Variants in RNF17 observed in about 807,000 individuals in gnomAD.
RNF17 encodes the protein spermatogenesis associated 23.
A neutral mutation model predicts 200.5 loss-of-function variants in RNF17; 31 were observed. That is an observed-to-expected ratio of 0.15 (90% CI 0.12 to 0.21). RNF17 has a LOEUF of 0.21. Ranked by LOEUF, RNF17 falls within the 10% of genes least tolerant of loss-of-function variation. The pLI, the probability that RNF17 is intolerant of heterozygous loss-of-function variation, is 1.00. For synonymous variants in RNF17, 606 were observed against 637.8 expected, an observed-to-expected ratio of 0.95 and a Z score of 0.75; for missense variants, 1,628 against 1,905.1, an observed-to-expected ratio of 0.85 and a Z score of 2.71.
intron 6 of RNF17, among the ~76,000 whole-genome samples, chr13:24,787,083 G>A (rs531985318): frequency 5.3e-5 from 8 of 151,890 alleles, no homozygotes; most frequent in African/African-American, 1.4e-4. Context: ...CCTTCTGCCT[G>A]TCCAAATCTG....
rs114099220 is a variant in RNF17, at chr13:24,866,202, A to G, written c.4160A>G (p.Glu1387Gly). 437 of 1,535,520 alleles carry G rather than the reference A, an allele frequency of 2.8e-4. 1 individual carries two copies. In the African/African-American group the frequency reaches 5.5e-3, roughly 19 times the overall value. ...GAGGAACAATGGGAAATAAGGTTTGAGGTAAGTAACAATCCAAGTATTTTG... is the reference window on the plus strand; with the variant it reads ...GAGGAACAATGGGAAATAAGGTTTGGGGTAAGTAACAATCCAAGTATTTTG... ...YEEEQWEIRF[E>G]ELLSAETDTP... The change falls in exon 30 of 36, where the codon GAG (glutamate) becomes GGG (glycine). Residue 1387 changes from glutamate (E) to glycine (G), a missense_variant and splice_region_variant. Glu to Gly is a moderately conservative substitution (Grantham distance 98, BLOSUM62 -2). Transcript: ENST00000255324.
intron 6 of RNF17, among the ~76,000 whole-genome samples, chr13:24,787,669 G>A (rs1236488967): frequency 6.6e-6 from 1 of 152,048 alleles, no homozygotes; most frequent in African/African-American, 2.4e-5. Flanking sequence ...TCTCCTCCAG[G>A]CCTTAGATGG....
At chr13:24,830,111 A>G (rs1289519599) in intron 16 of RNF17, among the ~76,000 whole-genome samples, 2 of 152,170 alleles carry the variant, frequency 1.3e-5, no homozygotes, top group Admixed American at 1.3e-4. Flanking sequence ...TCAGGGTAAT[A>G]TCTTAGAGAT....
chr13:24,817,116 A>C lies in RNF17; in HGVS notation c.2092-8503A>C, dbSNP rs569317369. Among the ~76,000 whole-genome samples the C allele has an allele frequency of 7.9e-5, 12 of 152,334 alleles. No homozygotes were observed. In the East Asian group the frequency reaches 2.3e-3, roughly 29 times the overall value. On this transcript the variant is annotated intron_variant, in intron 15 of 35. Transcript: ENST00000255324. ...AGTGTCTTCATATAGCTTTGTTATC[A>C]GGGTAATGCAGCCTCTTAGAGTTAG...
At chr13:24,833,460 C>G (rs1889646810) in intron 18 of RNF17, among the ~76,000 whole-genome samples, 1 of 152,322 alleles carries the variant, frequency 6.6e-6, no homozygotes, top group Middle Eastern at 3.4e-3. Flanking sequence ...GGTCCTTGAA[C>G]AGTCTCCACT....
At chr13:24,885,823 T>A in the RNF17 span, 6 of 651,770 alleles carry the variant, frequency 9.2e-6, no homozygotes, top group Non-Finnish European at 1.4e-5. Flanking sequence ...TAATTTGTAG[T>A]TCTCCGACAC....
intron 31 of RNF17, 58 bp from the exon 32 acceptor site, chr13:24,870,513 T>TG (rs1555290865): frequency 1.3e-6 from 2 of 1,496,494 alleles, no homozygotes; most frequent in African/African-American, 2.8e-5. Flanking sequence ...TTTGTCCACA[T>TG]ACGTGAATTC....
At chr13:24,852,669 C>T (rs1023243599) in intron 24 of RNF17, among the ~76,000 whole-genome samples, 5 of 152,072 alleles carry the variant, frequency 3.3e-5, no homozygotes, top group African/African-American at 9.7e-5. Flanking sequence ...CTGGATTGCC[C>T]GGGCTTTGGC....
the RNF17 span, chr13:24,886,407 A>G: frequency 7.9e-7 from 1 of 1,265,960 alleles, no homozygotes; most frequent in Non-Finnish European, 1.0e-6. Context: ...GAATGGTTCC[A>G]TTACACCATG....
chr13:24,844,923 G>T, intron 21 of RNF17, 38 bp from the exon 22 acceptor site: 1 of 1,556,286 alleles, frequency 6.4e-7, no homozygotes, highest in Non-Finnish European at 8.8e-7. Flanking sequence ...ATTTCGAAAT[G>T]TTGTTTGTCT....
At chr13:24,826,033 C>A in intron 16 of RNF17, 1 of 984,154 alleles carries the variant, frequency 1.0e-6, no homozygotes, top group Non-Finnish European at 1.2e-6. Flanking sequence ...ATTAATTATT[C>A]AAAAACCGGT....
chr13:24,768,682 G>A (rs1301462623), intron 2 of RNF17, among the ~76,000 whole-genome samples: 2 of 151,856 alleles, frequency 1.3e-5, no homozygotes, highest in African/African-American at 4.8e-5. Context: ...GGAGGCATGA[G>A]ATCTAGAATG....
Position 24,800,417 on chromosome 13 carries a change from A to G in RNF17, c.1641A>G (p.Ala547=), listed in dbSNP as rs557693659. The G allele has an allele frequency of 5.0e-6, 8 of 1,612,930 alleles. No homozygotes were observed. The East Asian group carries it at 6.7e-5, about 13-fold the overall frequency. The change falls in exon 13 of 36, where the codon GCA becomes GCG. Residue 547 remains alanine (A), a synonymous_variant. Coordinates refer to ENST00000255324, the MANE Select transcript of RNF17 (RefSeq NM_031277.3). ...AACACTCTGCTAAGCAACATATTGC[A>G]CTAAATGATTTATGTCTGGTTCTAA... ...RPEHSAKQHI[A]LNDLCLVLRK...
rs1893054676 is a variant in RNF17 at position 24,861,124 on chromosome 13, C to A, written c.3775-144C>A. 4 of 575,432 alleles carry A rather than the reference C, an allele frequency of 7.0e-6. 1 individual carries two copies. The South Asian group carries it at 1.0e-4, about 15-fold the overall frequency. The allele number at this position is 575,432 out of a possible 1,614,324, so 35.6% of individuals were successfully genotyped here. ...AAACTCCTGGGCTCAAACAATCCAC[C>A]CACCTCTGCCTCCCAGAGTGCTGGG... On this transcript the variant is annotated intron_variant, in intron 26 of 35. Transcript: ENST00000255324.
In RNF17 at chr13:24,817,399, A is replaced by T. The variant is rs886723907; in HGVS notation, c.2092-8220A>T. On this transcript the variant is annotated intron_variant, in intron 15 of 35. Transcript: ENST00000255324. ...TAGGTTATCCAGTTTGTTGGCATAC[A>T]ATTGTCTTCAATAATCTCTTACAAT... Among the ~76,000 whole-genome samples, 29 of 152,150 alleles carry T rather than the reference A, an allele frequency of 1.9e-4. No individual in the cohort carries two copies. In the East Asian group the frequency reaches 5.2e-3, roughly 27 times the overall value.
intron 16 of RNF17, among the ~76,000 whole-genome samples, chr13:24,826,789 G>A (rs13313287): frequency 0.2 from 29,621 of 151,206 alleles, 3,148 homozygotes; most frequent in South Asian, 0.32. Context: ...GGCCGGGTGC[G>A]GTGGCTCACG....
chr13:24,774,485 C>T (rs921072946), intron 2 of RNF17, among the ~76,000 whole-genome samples: 1 of 152,244 alleles, frequency 6.6e-6, no homozygotes, highest in Non-Finnish European at 1.5e-5. Flanking sequence ...GCTAGGATTA[C>T]GGGCGTGAGC....
the RNF17 span, chr13:24,885,350 A>G: frequency 2.5e-6 from 4 of 1,613,994 alleles, no homozygotes; most frequent in Non-Finnish European, 1.7e-6. Flanking sequence ...GGATCTGGGA[A>G]GTTCAGTGGT....
intron 28 of RNF17, 123 bp from the exon 29 acceptor site, chr13:24,864,750 T>C: frequency 1.4e-6 from 1 of 691,270 alleles, no homozygotes; most frequent in Non-Finnish European, 2.4e-6. Context: ...ATGAAATGAG[T>C]CACTAGCCAA....
Sources: gnomAD v4.1 joint callset for allele counts (sites outside exome capture counted in the v4.1 genomes callset) on GRCh38, gnomAD v4.1.1 for gene constraint, MANE v1.5 for transcripts, NCBI Gene and HGNC (gene_info 2026-07-23, HGNC 2026-07-21) for gene names.